Variants in TBL1XR1 observed in about 807,000 individuals in gnomAD.
The protein encoded by TBL1XR1 is TBL1X/Y related 1, also known as F-box-like/WD repeat-containing protein TBL1XR1.
A neutral mutation model predicts 66.9 loss-of-function variants in TBL1XR1; 5 were observed. The ratio of observed to expected loss-of-function variants is 0.07; its 90% CI spans 0.04 to 0.16. The LOEUF is 0.16. Ranked by LOEUF, TBL1XR1 falls within the 10% of genes least tolerant of loss-of-function variation. The probability of loss-of-function intolerance (pLI) is 1.00; values close to 1 mark genes in which losing one functional copy is unlikely to be tolerated. For synonymous variants in TBL1XR1, 210 were observed against 206.0 expected, an observed-to-expected ratio of 1.02 and a Z score of -0.17; for missense variants, 238 against 623.2, an observed-to-expected ratio of 0.38 and a Z score of 6.58.
intron 3 of TBL1XR1, among the ~76,000 whole-genome samples, chr3:177,057,192 A>C (rs142621610): frequency 6.6e-6 from 1 of 152,242 alleles, no homozygotes; most frequent in Non-Finnish European, 1.5e-5. Context: ...GTTATACATC[A>C]TGCCTCTGAG....
At chr3:177,166,965 C>G (rs895958831) in intron 1 of TBL1XR1, among the ~76,000 whole-genome samples, 2 of 152,208 alleles carry the variant, frequency 1.3e-5, no homozygotes, top group Non-Finnish European at 2.9e-5. Flanking sequence ...TAAACATACT[C>G]TTACCATATG....
chr3:177,088,828 G>T lies in TBL1XR1; in HGVS notation c.-46+9638C>A, dbSNP rs527553059. On this transcript the variant is annotated intron_variant, in intron 2 of 15. Coordinates refer to ENST00000457928, the MANE Select transcript of TBL1XR1 (RefSeq NM_024665.7). ...ATACATTCTCAACCAAATGAAAATG[G>T]TTCACACAATATCATGCGACAATGT... Among the ~76,000 whole-genome samples, 26 of 152,216 alleles carry T rather than the reference G, an allele frequency of 1.7e-4. No homozygotes were observed. In the South Asian group the frequency reaches 2.1e-3, roughly 12 times the overall value.
intron 2 of TBL1XR1, among the ~76,000 whole-genome samples, chr3:177,086,723 TA>T (rs1273756061): frequency 6.6e-6 from 1 of 151,862 alleles, no homozygotes; most frequent in Non-Finnish European, 1.5e-5. Context: ...TCACGGAACA[TA>T]TACAGTTGAC....
chr3:177,164,510 T>C (rs994039145), intron 1 of TBL1XR1, among the ~76,000 whole-genome samples: 3 of 152,054 alleles, frequency 2.0e-5, no homozygotes, highest in Admixed American at 6.6e-5. Context: ...CCACCATACC[T>C]GGCTAATTTT....
intron 1 of TBL1XR1, among the ~76,000 whole-genome samples, chr3:177,153,389 C>T (rs1731126534): frequency 6.6e-6 from 1 of 152,114 alleles, no homozygotes; most frequent in African/African-American, 2.4e-5. Flanking sequence ...AGTAAATACG[C>T]ATGCACATAT....
chr3:177,148,531 T>G (rs986270516), intron 1 of TBL1XR1, among the ~76,000 whole-genome samples: 1 of 151,586 alleles, frequency 6.6e-6, no homozygotes, highest in Admixed American at 6.6e-5. Context: ...CTGACCAATA[T>G]GGTGAAACCC....
In TBL1XR1 at chr3:177,112,107, A is replaced by ATTTTTTT. The variant is rs71170852; in HGVS notation, c.-121-13573_-121-13567dup. Among the ~76,000 whole-genome samples the ATTTTTTT allele has an allele frequency of 4.2e-4, 16 of 37,654 alleles. No individual in the cohort carries two copies. In the South Asian group the frequency reaches 4.3e-3, roughly 10 times the overall value. The allele number at this position is 37,654 out of a possible 152,430, so 24.7% of individuals were successfully genotyped here. ...TATATATATATATATATATATATAT[A>ATTTTTTT]TTTTTTTTTTTTTTTTTTGTGAGGG... On this transcript the variant is annotated intron_variant, in intron 1 of 15. Transcript: ENST00000457928.
At chr3:177,124,845 C>T (rs1010203995) in intron 1 of TBL1XR1, among the ~76,000 whole-genome samples, 2 of 151,996 alleles carry the variant, frequency 1.3e-5, no homozygotes, top group African/African-American at 4.8e-5. Context: ...CTGAGGCTGA[C>T]AAATGGTGTT....
Position 177,195,124 on chromosome 3 carries a change from G to T in TBL1XR1, c.-122+1997C>A, listed in dbSNP as rs144572846. On this transcript the variant is annotated intron_variant, in intron 1 of 15. Transcript: ENST00000457928. Reference sequence around the variant, plus strand: ...TAGGTCGGATTCCAACAACTCAAACGTCAAAAAAAATAGTAGTTATTTATG... The same window carrying T: ...TAGGTCGGATTCCAACAACTCAAACTTCAAAAAAAATAGTAGTTATTTATG... Among the ~76,000 whole-genome samples, 1,258 of 151,200 alleles carry T rather than the reference G, an allele frequency of 8.3e-3. 24 individuals carry two copies. The highest frequency in any genetic ancestry group is 0.029 in the African/African-American group (1,181 of 41,212).
chr3:177,161,804 A>C (rs1360865424), intron 1 of TBL1XR1, among the ~76,000 whole-genome samples: 2 of 151,770 alleles, frequency 1.3e-5, no homozygotes, highest in Admixed American at 1.3e-4. Context: ...AAAAAATCTA[A>C]GACCCATCAC....
chr3:177,140,560 C>A (rs1577289849), intron 1 of TBL1XR1, among the ~76,000 whole-genome samples: 2 of 152,090 alleles, frequency 1.3e-5, no homozygotes, highest in African/African-American at 4.8e-5. Flanking sequence ...TATGAAAAAA[C>A]TGAAAAGGTA....
At chr3:177,064,531 CT>C (rs1375834132) in intron 3 of TBL1XR1, among the ~76,000 whole-genome samples, 3 of 152,188 alleles carry the variant, frequency 2.0e-5, no homozygotes, top group African/African-American at 7.2e-5. Context: ...TAGGAAAATA[CT>C]GTTAATTTAA....
chr3:177,113,453 T>C (rs2108732276), intron 1 of TBL1XR1, among the ~76,000 whole-genome samples: 1 of 152,148 alleles, frequency 6.6e-6, no homozygotes, highest in South Asian at 2.1e-4. Flanking sequence ...GGAGAAAATA[T>C]TTGCAAATTA....
At chr3:177,164,718 C>T (rs1192219403) in intron 1 of TBL1XR1, among the ~76,000 whole-genome samples, 1 of 152,116 alleles carries the variant, frequency 6.6e-6, no homozygotes, top group African/African-American at 2.4e-5. Flanking sequence ...CTCATGTTCA[C>T]GAACTGAAAG....
intron 7 of TBL1XR1, 44 bp downstream of exon 7, chr3:177,049,953 G>A: frequency 6.3e-7 from 1 of 1,599,932 alleles, no homozygotes; most frequent in Non-Finnish European, 8.5e-7. Flanking sequence ...CTGAGGGTTA[G>A]GTATACTAGT....
At chr3:177,136,987 G>A (rs759789292) in intron 1 of TBL1XR1, among the ~76,000 whole-genome samples, 3 of 152,106 alleles carry the variant, frequency 2.0e-5, no homozygotes, top group Admixed American at 6.6e-5. Context: ...TCACTCACAC[G>A]TATAACCTTA....
At chr3:177,191,368 T>C (rs567488549) in intron 1 of TBL1XR1, among the ~76,000 whole-genome samples, 1 of 152,326 alleles carries the variant, frequency 6.6e-6, no homozygotes, top group South Asian at 2.1e-4. Context: ...CAACCATTCA[T>C]TCATTGAGAA....
intron 2 of TBL1XR1, among the ~76,000 whole-genome samples, chr3:177,066,689 T>C (rs1719206722): frequency 6.6e-6 from 1 of 152,150 alleles, no homozygotes; most frequent in Non-Finnish European, 1.5e-5. Context: ...GACTAAATCC[T>C]GGACTGTCAC....
At chr3:177,052,069 G>A (rs867217556) in intron 4 of TBL1XR1, among the ~76,000 whole-genome samples, 3 of 152,100 alleles carry the variant, frequency 2.0e-5, no homozygotes, top group South Asian at 4.1e-4. Context: ...CAAACAATAT[G>A]GAATATAGTT....
Sources: allele counts gnomAD v4.1 joint callset (sites outside exome capture counted in the v4.1 genomes callset), GRCh38; gene constraint gnomAD v4.1.1; transcripts MANE v1.5; gene names NCBI Gene and HGNC (gene_info 2026-07-23, HGNC 2026-07-21).